The following SCN9A variants were observed in gnomAD, a reference collection of about 807,000 sequenced individuals.
SCN9A encodes sodium voltage-gated channel alpha subunit 9, also known as sodium channel protein type 9 subunit alpha.
A neutral mutation model predicts 187.0 loss-of-function variants in SCN9A; 131 were observed. That is an observed-to-expected ratio of 0.70 (90% CI 0.61 to 0.81). The LOEUF (loss-of-function observed/expected upper bound fraction) is 0.81. SCN9A is among the 30% of genes least tolerant of loss of function. The pLI, the probability that SCN9A is intolerant of heterozygous loss-of-function variation, is 0.00. For missense variants in SCN9A, 2,252 were observed against 2,396.6 expected, an observed-to-expected ratio of 0.94 and a Z score of 1.26; for synonymous variants, 809 against 808.6, an observed-to-expected ratio of 1.00 and a Z score of -0.01.
intron 1 of SCN9A, among the ~76,000 whole-genome samples, chr2:166,355,565 A>T (rs1700133040): frequency 6.6e-6 from 1 of 151,706 alleles, no homozygotes; most frequent in Non-Finnish European, 1.5e-5. Context: ...TTTTCACAAA[A>T]ATTTCTTTTT....
chr2:166,274,571 A>AT (rs1483125584), intron 16 of SCN9A, among the ~76,000 whole-genome samples: 1 of 152,050 alleles, frequency 6.6e-6, no homozygotes, highest in Admixed American at 6.6e-5. Context: ...TCAGGAATAT[A>AT]TTTTTTTCCT....
chr2:166,347,545 C>T (rs1699930773), intron 1 of SCN9A, among the ~76,000 whole-genome samples: 1 of 151,990 alleles, frequency 6.6e-6, no homozygotes, highest in Non-Finnish European at 1.5e-5. Flanking sequence ...TTAAGTGGAC[C>T]CCTGGTTGGG....
At position 166,197,799 on chromosome 2, in the gene SCN9A, C is replaced by T. The variant is rs756979809; in HGVS notation, c.*873G>A. 2.0e-5 allele frequency: 3 copies of T among 152,090 alleles called. No homozygotes were observed. The highest frequency in any genetic ancestry group is 6.5e-5 in the Admixed American group (1 of 15,268). 9.4% of individuals were successfully genotyped at this position (152,090 alleles called of 1,614,324 possible). ...AGACTATTATCAGTATTTTGGGCAG[C>T]ACAGTCAAATGTTAGGCTATGTAAA... On this transcript the variant is annotated 3_prime_UTR_variant, in exon 27 of 27. Transcript: ENST00000642356.
intron 24 of SCN9A, among the ~76,000 whole-genome samples, chr2:166,210,512 T>A: frequency 1.2e-5 from 1 of 85,332 alleles, no homozygotes; most frequent in African/African-American, 4.9e-5. Flanking sequence ...CCTCAAAAGA[T>A]GGACACCAAA....
intron 24 of SCN9A, among the ~76,000 whole-genome samples, chr2:166,221,482 C>T (rs1558959726): frequency 1.3e-5 from 2 of 152,080 alleles, no homozygotes; most frequent in Non-Finnish European, 2.9e-5. Flanking sequence ...CTCACTGCAG[C>T]CTCATACTCT....
chr2:166,199,908 T>C lies in SCN9A; in HGVS notation c.4775-44A>G, dbSNP rs143349449. 6.0e-3 allele frequency: 8,992 copies of C among 1,495,544 alleles called. 39 individuals are homozygous for C. Among genetic ancestry groups the C allele is most frequent in the Non-Finnish European group, 7.5e-3 (8,127 of 1,082,154 alleles). The allele number at this position is 1,495,544 out of a possible 1,614,324, so 92.6% of individuals were successfully genotyped here. A position where few individuals can be genotyped will look rare whatever the true frequency, so the allele number is the denominator to read the frequency against. ...AATAGAAATAAAATATTTAAAGATGTATGCTACCTGAAATGATGACTCTAA... is the reference window on the plus strand; with the variant it reads ...AATAGAAATAAAATATTTAAAGATGCATGCTACCTGAAATGATGACTCTAA... On this transcript the variant is annotated intron_variant, in intron 26 of 26. Transcript: ENST00000642356.
chr2:166,315,055 G>A (rs1337378879), intron 1 of SCN9A, among the ~76,000 whole-genome samples: 1 of 152,162 alleles, frequency 6.6e-6, no homozygotes, highest in Non-Finnish European at 1.5e-5. Flanking sequence ...AGAATAGGAA[G>A]AGATTTAGTA....
chr2:166,224,168 C>T (rs746601553), intron 24 of SCN9A, among the ~76,000 whole-genome samples: 1 of 152,052 alleles, frequency 6.6e-6, no homozygotes, highest in Non-Finnish European at 1.5e-5. Flanking sequence ...TTTCTAGACA[C>T]GCTTAATTTA....
chr2:166,359,112 T>C (rs567237436), intron 1 of SCN9A, among the ~76,000 whole-genome samples: 195 of 152,296 alleles, frequency 1.3e-3, no homozygotes, highest in African/African-American at 4.5e-3. Context: ...ACTATCTATG[T>C]AGGTCACCAT....
In SCN9A at chr2:166,286,455, C is replaced by G. The variant is rs1442081933; in HGVS notation, c.1483G>C (p.Gly495Arg). Residue 495 changes from glycine (G) to arginine (R), a missense_variant, in exon 11 of 27, where the codon GGA (glycine) becomes CGA (arginine). Coordinates refer to ENST00000642356, the MANE Select transcript of SCN9A (RefSeq NM_001365536.1). ...GATTTCGACAATTTCTCAGCATCTC[C>G]CTTTTCCTCTCCACTGGAGAGCTTC... ...QKKLSSGEEK[G>R]DAEKLSKSES... is the part of the protein sequence containing the mutation. 1 of 1,613,870 alleles carries G rather than the reference C, an allele frequency of 6.2e-7. No homozygotes were observed. Among genetic ancestry groups the G allele is most frequent in the East Asian group, 2.2e-5 (1 of 44,854 alleles).
At chr2:166,278,109 G>T (rs1487713907) in intron 15 of SCN9A, 31 bp downstream of exon 15, 1 of 1,564,606 alleles carries the variant, frequency 6.4e-7, no homozygotes, top group Admixed American at 1.8e-5. Flanking sequence ...CTTTATTATA[G>T]AATATAATGG....
chr2:166,332,292 C>A (rs1281169132), intron 1 of SCN9A, among the ~76,000 whole-genome samples: 2 of 152,186 alleles, frequency 1.3e-5, no homozygotes, highest in Non-Finnish European at 2.9e-5. Context: ...TCCTATACAG[C>A]TGCTCTAGTT....
At chr2:166,245,736 G>T (rs1002771939) in intron 18 of SCN9A, among the ~76,000 whole-genome samples, 1 of 151,914 alleles carries the variant, frequency 6.6e-6, no homozygotes, top group Admixed American at 6.6e-5. Flanking sequence ...ACCTGTTTCA[G>T]AAGTTTGAAT....
chr2:166,305,790 A>G lies in SCN9A; in HGVS notation c.596+2T>C. 6.2e-7 allele frequency: 1 copy of G among 1,613,432 alleles called. No individual in the cohort carries two copies. Among genetic ancestry groups the G allele is most frequent in the Non-Finnish European group, 8.5e-7 (1 of 1,179,516 alleles). On this transcript the variant is annotated splice_donor_variant, in intron 5 of 26. Transcript: ENST00000642356. LOFTEE classifies it high-confidence loss of function. Reference sequence around the variant, plus strand: ...CCGTTTCAAAAAGCTGAAAGTACTTACGCAAAAACAATGACGACAAAATCC... The same window carrying G: ...CCGTTTCAAAAAGCTGAAAGTACTTGCGCAAAAACAATGACGACAAAATCC...
chr2:166,350,365 C>A (rs1354724534), intron 1 of SCN9A, among the ~76,000 whole-genome samples: 1 of 152,192 alleles, frequency 6.6e-6, no homozygotes, highest in Non-Finnish European at 1.5e-5. Context: ...CACTTGGTTT[C>A]ATGAAACTAG....
chr2:166,294,829 T>C, intron 7 of SCN9A, 167 bp from the exon 8 acceptor site: 1 of 464,512 alleles, frequency 2.2e-6, no homozygotes, highest in South Asian at 5.4e-5. Flanking sequence ...CCCTCAAATA[T>C]TTATTGATAA....
intron 1 of SCN9A, among the ~76,000 whole-genome samples, chr2:166,361,452 C>T (rs7598695): frequency 0.055 from 8,410 of 152,046 alleles, 753 homozygotes; most frequent in African/African-American, 0.19. Flanking sequence ...ATATATGCCA[C>T]ACACAGCCAT....
chr2:166,291,258 T>C (rs1698055045), intron 9 of SCN9A, among the ~76,000 whole-genome samples: 1 of 152,080 alleles, frequency 6.6e-6, no homozygotes, highest in Non-Finnish European at 1.5e-5. Flanking sequence ...TGTGCAAAAA[T>C]CACAGGCATT....
chr2:166,295,582 A>C (rs1174995222), intron 7 of SCN9A, among the ~76,000 whole-genome samples: 1 of 152,212 alleles, frequency 6.6e-6, no homozygotes. Flanking sequence ...CAGTAAAAAA[A>C]TACAGTATTA....
Sources: gnomAD v4.1 joint callset for allele counts (sites outside exome capture counted in the v4.1 genomes callset) on GRCh38, gnomAD v4.1.1 for gene constraint, MANE v1.5 for transcripts, NCBI Gene and HGNC (gene_info 2026-07-23, HGNC 2026-07-21) for gene names.